Variants in FSIP2 observed in about 807,000 individuals in gnomAD.
The protein encoded by FSIP2 is fibrous sheath-interacting protein 2.
FSIP2 carries 367 observed loss-of-function variants against 510.5 expected under a neutral mutation model. The observed-to-expected ratio is 0.72, with a 90% CI of 0.66 to 0.78. FSIP2 has a LOEUF of 0.78. Among genes scored for constraint, FSIP2 ranks in the 30% least tolerant of loss-of-function variants. The pLI is 0.00. For missense variants in FSIP2, 7,594 were observed against 7,901.7 expected (o/e 0.96, Z 1.48); for synonymous variants, 2,601 against 2,732.2 (o/e 0.95, Z 1.50).
chr2:185,822,037 ACT>A lies in FSIP2; in HGVS notation c.20427-2395_20427-2394del, dbSNP rs1343634885. Among the ~76,000 whole-genome samples, 3 of 151,950 alleles carry A rather than the reference ACT, an allele frequency of 2.0e-5. No homozygotes were observed. The East Asian group carries it at 5.8e-4, about 30-fold the overall frequency. On this transcript the variant is annotated intron_variant, in intron 19 of 22. Transcript: ENST00000424728. ...TTAAATAGTTTACATGGATAAAAGG[ACT>A]CAGCAGAGCAGGAAGAGAAGGAAAT...
At chr2:185,744,978 GGT>G (rs35545095) in intron 4 of FSIP2, 70,416 of 125,642 alleles carry the variant, frequency 0.56, 16,873 homozygotes, top group African/African-American at 0.63. Context: ...GTGTGTGTGG[GGT>G]GTGTGTGTGT....
In FSIP2 at chr2:185,790,681, C is replaced by G. The variant is rs1407094488; in HGVS notation, c.3545C>G (p.Ser1182Ter). The G allele has an allele frequency of 1.3e-5, 20 of 1,533,854 alleles. No individual in the cohort carries two copies. Among genetic ancestry groups the G allele is most frequent in the Non-Finnish European group, 1.7e-5 (20 of 1,145,400 alleles). The change falls in exon 16 of 23, where the codon TCA (serine) becomes TGA (stop). Residue 1182 changes from serine (S) to a stop codon, truncating the protein, a stop_gained. Transcript: ENST00000424728. LOFTEE classifies it high-confidence loss of function. ...GTGTTAAACATACTTCATAAGGCAT[C>G]AAACTACATTTCCAATACCACTAAA... is the stretch of plus-strand genomic sequence containing the variant. The part of the protein sequence containing the change: ...DSVLNILHKA[S>*]NYISNTTKSS...
At chr2:185,767,128 T>A (rs1335011423) in intron 13 of FSIP2, among the ~76,000 whole-genome samples, 2 of 125,126 alleles carry the variant, frequency 1.6e-5, no homozygotes, top group Non-Finnish European at 3.3e-5. Flanking sequence ...TGAGATCACA[T>A]GGACACAGGA....
At chr2:185,770,519 C>G (rs74434604) in intron 13 of FSIP2, among the ~76,000 whole-genome samples, 2 of 152,116 alleles carry the variant, frequency 1.3e-5, no homozygotes, top group Non-Finnish European at 2.9e-5. Flanking sequence ...AATCAGAACT[C>G]AGAGTGAGAA....
rs927980174 is a variant in FSIP2 at position 185,795,533 on chromosome 2, C to T, written c.8397C>T (p.Leu2799=). 1.3e-6 allele frequency: 2 copies of T among 1,534,776 alleles called. No individual in the cohort carries two copies. The highest frequency in any genetic ancestry group is 2.0e-5 in the Admixed American group (1 of 50,890). Reference sequence around the variant, plus strand: ...CTTACCCGATGAAATCCTCACATCTCAGACTTTCACAGGGGAATATAGGCA... The same window carrying T: ...CTTACCCGATGAAATCCTCACATCTTAGACTTTCACAGGGGAATATAGGCA... The part of the protein sequence containing the change: ...NLAYPMKSSH[L]RLSQGNIGTG... Residue 2799 remains leucine (L), a synonymous_variant, in exon 16 of 23, where the codon CTC becomes CTT. Coordinates refer to ENST00000424728, the MANE Select transcript of FSIP2 (RefSeq NM_173651.4).
At position 185,794,238 on chromosome 2, in the gene FSIP2, G is replaced by A. The variant is rs1218565304; in HGVS notation, c.7102G>A (p.Asp2368Asn). ...AILKLIKNDL[D>N]LEIQKIYPYQ... The stretch of plus-strand genomic sequence containing the variant: ...TTTGAAGCTTATTAAAAATGACTTA[G>A]ACTTAGAAATTCAAAAGATATATCC... Residue 2368 changes from aspartate to asparagine, a missense_variant, in exon 16 of 23, where the codon GAC becomes AAC. By Grantham distance (23) the Asp-to-Asn change is conservative. Transcript: ENST00000424728. 2 of 1,534,126 alleles carry A rather than the reference G, an allele frequency of 1.3e-6. No individual in the cohort carries two copies. Among genetic ancestry groups the A allele is most frequent in the Non-Finnish European group, 8.7e-7 (1 of 1,145,630 alleles).
rs777833731 is a variant in FSIP2 at position 185,790,293 on chromosome 2, A to G, written c.3157A>G (p.Thr1053Ala). The stretch of plus-strand genomic sequence containing the variant: ...ATGCAAAAGAAATATCAAACCACCT[A>G]CAAAGCCTGGTTCTAGAAGCAAAGC... ...FECKRNIKPP[T>A]KPGSRSKAAF... The change falls in exon 16 of 23, where the codon ACA becomes GCA. Residue 1053 changes from threonine (T) to alanine (A), a missense_variant. Coordinates refer to ENST00000424728, the MANE Select transcript of FSIP2 (RefSeq NM_173651.4). 14 of 1,533,730 alleles carry G rather than the reference A, an allele frequency of 9.1e-6. No homozygotes were observed. The highest frequency in any genetic ancestry group is 2.4e-5 in the East Asian group (1 of 40,856).
At chr2:185,761,873 A>T in intron 10 of FSIP2, 99 bp from the exon 11 acceptor site, 1 of 594,046 alleles carries the variant, frequency 1.7e-6, no homozygotes, top group Non-Finnish European at 2.9e-6. Context: ...TAAAAGAGGG[A>T]AAACATCTGT....
At chr2:185,829,219 T>C (rs1694067401) in intron 21 of FSIP2, among the ~76,000 whole-genome samples, 2 of 151,878 alleles carry the variant, frequency 1.3e-5, no homozygotes, top group South Asian at 4.1e-4. Context: ...ACCTTTTCCA[T>C]GGTAAAATTA....
Position 185,745,516 on chromosome 2 carries a change from T to C in FSIP2, c.565T>C (p.Leu189=), listed in dbSNP as rs1692010993. ...CDVAQVQNWL[L]KEGTESIKDQ... Reference sequence around the variant, plus strand: ...TGTTGCACAAGTCCAAAACTGGTTGTTAAAGGAGGGCACTGAATCTATTAA... The same window carrying C: ...TGTTGCACAAGTCCAAAACTGGTTGCTAAAGGAGGGCACTGAATCTATTAA... Residue 189 remains leucine (L), a synonymous_variant, in exon 5 of 23, where the codon TTA becomes CTA. Coordinates refer to ENST00000424728, the MANE Select transcript of FSIP2 (RefSeq NM_173651.4). 1 of 1,535,636 alleles carries C rather than the reference T, an allele frequency of 6.5e-7. No individual in the cohort carries two copies. The highest frequency in any genetic ancestry group is 1.4e-5 in the African/African-American group (1 of 73,082).
chr2:185,764,359 G>A (rs1407867614), intron 12 of FSIP2, 143 bp from the exon 13 acceptor site: 8 of 516,950 alleles, frequency 1.5e-5, no homozygotes, highest in East Asian at 6.2e-5. Context: ...TAATAAAAAC[G>A]TGCATTTCTT....
intron 10 of FSIP2, among the ~76,000 whole-genome samples, chr2:185,761,347 G>A (rs1244017770): frequency 6.6e-6 from 1 of 151,044 alleles, no homozygotes; most frequent in Non-Finnish European, 1.5e-5. Flanking sequence ...AATAATGACA[G>A]CTTGCATTTA....
At chr2:185,782,887 T>G in intron 14 of FSIP2, 125 bp downstream of exon 14, 1 of 644,890 alleles carries the variant, frequency 1.6e-6, no homozygotes, top group Admixed American at 2.5e-5. Context: ...TTAGTGAAAC[T>G]TAGTCTTTTG....
chr2:185,797,398 T>C lies in FSIP2; in HGVS notation c.10262T>C (p.Ile3421Thr). The C allele has an allele frequency of 6.5e-7, 1 of 1,532,622 alleles. No homozygotes were observed. The highest frequency in any genetic ancestry group is 8.7e-7 in the Non-Finnish European group (1 of 1,145,650). 94.9% of individuals were successfully genotyped at this position (1,532,622 alleles called of 1,614,324 possible). ...QKLKKKEYPK[I>T]ETVKEVEAFT... ...TTGAAAAAAAAGGAGTACCCAAAGA[T>C]AGAGACTGTGAAGGAAGTTGAAGCC... The change falls in exon 16 of 23, where the codon ATA (isoleucine) becomes ACA (threonine). Residue 3421 changes from isoleucine (I) to threonine (T), a missense_variant. Ile to Thr is a moderately conservative substitution (Grantham distance 89, BLOSUM62 -1). Transcript: ENST00000424728.
At position 185,813,728 on chromosome 2, in the gene FSIP2, A is replaced by C; in HGVS notation, c.20011A>C (p.Thr6671Pro). 6.2e-7 allele frequency: 1 copy of C among 1,612,262 alleles called. No individual in the cohort carries two copies. The highest frequency in any genetic ancestry group is 1.3e-5 in the African/African-American group (1 of 74,914). ...RDSDEDEVVL[T>P]QTFAKEEGIK... ...TTCTGATGAAGATGAAGTTGTTTTAACACAGACTTTTGCAAAAGAAGAAGG... is the reference window on the plus strand; with the variant it reads ...TTCTGATGAAGATGAAGTTGTTTTACCACAGACTTTTGCAAAAGAAGAAGG... The change falls in exon 18 of 23, where the codon ACA becomes CCA. Residue 6671 changes from threonine (T) to proline (P), a missense_variant. Physicochemically the swap from Thr to Pro is conservative, Grantham distance 38. Coordinates refer to ENST00000424728, the MANE Select transcript of FSIP2 (RefSeq NM_173651.4).
chr2:185,804,848 G>A lies in FSIP2; in HGVS notation c.15542G>A (p.Ser5181Asn). The change falls in exon 17 of 23, where the codon AGT (serine) becomes AAT (asparagine). Residue 5181 changes from serine to asparagine, a missense_variant. Physicochemically the swap from Ser to Asn is conservative, Grantham distance 46 (BLOSUM62 1). Transcript: ENST00000424728. ...TCCATGGCAGAGGATAATGCAGAAA[G>A]TATGCAGTTAGAACCTATTGAAAAT... is the stretch of plus-strand genomic sequence containing the variant. ...RLSMAEDNAE[S>N]MQLEPIENLV... The A allele has an allele frequency of 1.3e-6, 2 of 1,530,630 alleles. No individual in the cohort carries two copies. Among genetic ancestry groups the A allele is most frequent in the Non-Finnish European group, 1.7e-6 (2 of 1,144,256 alleles). 94.8% of individuals were successfully genotyped at this position (1,530,630 alleles called of 1,614,324 possible).
In FSIP2 at chr2:185,796,863, G is replaced by C. The variant is rs1298863804; in HGVS notation, c.9727G>C (p.Asp3243His). 1.3e-6 allele frequency: 2 copies of C among 1,534,916 alleles called. No individual in the cohort carries two copies. The highest frequency in any genetic ancestry group is 1.7e-6 in the Non-Finnish European group (2 of 1,146,266). The part of the protein sequence containing the change: ...PSCSTRNKVQ[D>H]HRPRESNFGS... Reference sequence around the variant, plus strand: ...GTGTTCTACTAGAAACAAAGTACAAGACCACAGACCAAGGGAATCTAACTT... The same window carrying C: ...GTGTTCTACTAGAAACAAAGTACAACACCACAGACCAAGGGAATCTAACTT... The change falls in exon 16 of 23, where the codon GAC (aspartate) becomes CAC (histidine). Residue 3243 changes from aspartate to histidine, a missense_variant. By Grantham distance (81) the Asp-to-His change is moderately conservative. Transcript: ENST00000424728.
intron 13 of FSIP2, among the ~76,000 whole-genome samples, chr2:185,770,433 A>G (rs892924255): frequency 1.3e-5 from 2 of 152,152 alleles, no homozygotes; most frequent in Non-Finnish European, 2.9e-5. Context: ...GCTTCCACTC[A>G]TGGCAGAAGG....
chr2:185,756,292 G>T lies in FSIP2; in HGVS notation c.1078+14G>T. 1 of 1,053,664 alleles carries T rather than the reference G, an allele frequency of 9.5e-7. No homozygotes were observed. Among genetic ancestry groups the T allele is most frequent in the Admixed American group, 2.7e-5 (1 of 36,700 alleles). The allele number at this position is 1,053,664 out of a possible 1,614,324, so 65.3% of individuals were successfully genotyped here. On this transcript the variant is annotated intron_variant, in intron 9 of 22. Transcript: ENST00000424728. ...AAGAAACACATGGTAATTGAATATT[G>T]TGACAAGAAACACTAGATACTAAAC...
Sources: gnomAD v4.1 joint callset for allele counts (sites outside exome capture counted in the v4.1 genomes callset) on GRCh38, gnomAD v4.1.1 for gene constraint, MANE v1.5 for transcripts, NCBI Gene and HGNC (gene_info 2026-07-23, HGNC 2026-07-21) for gene names.